CDC14A: variants seen among roughly 807,000 people sequenced by gnomAD.
CDC14A encodes cell division cycle 14A, also known as dual specificity protein phosphatase CDC14A.
A neutral mutation model predicts 74.4 loss-of-function variants in CDC14A; 53 were observed. The ratio of observed to expected loss-of-function variants is 0.71; its 90% CI spans 0.57 to 0.89. CDC14A has a LOEUF of 0.89. CDC14A is among the 40% of genes least tolerant of loss of function. The probability of loss-of-function intolerance (pLI) is 0.00; values close to 1 mark genes in which losing one functional copy is unlikely to be tolerated. For missense variants in CDC14A, 646 were observed against 713.7 expected, an observed-to-expected ratio of 0.91 and a Z score of 1.08; for synonymous variants, 247 against 258.4, an observed-to-expected ratio of 0.96 and a Z score of 0.43.
intron 4 of CDC14A, among the ~76,000 whole-genome samples, chr1:100,397,027 T>G (rs1278995825): frequency 6.6e-6 from 1 of 150,800 alleles, no homozygotes; most frequent in Non-Finnish European, 1.5e-5. Context: ...TAAAACATTA[T>G]GAGATTTTTT....
intron 3 of CDC14A, among the ~76,000 whole-genome samples, chr1:100,386,283 A>T (rs1656855807): frequency 6.6e-6 from 1 of 152,212 alleles, no homozygotes; most frequent in Non-Finnish European, 1.5e-5. Context: ...GTGCTGCTAC[A>T]GAGCTGGCAA....
At chr1:100,475,830 G>A (rs1273565589) in intron 10 of CDC14A, among the ~76,000 whole-genome samples, 1 of 152,170 alleles carries the variant, frequency 6.6e-6, no homozygotes, top group Non-Finnish European at 1.5e-5. Context: ...CCTGGTTGAG[G>A]TGGACTTCCA....
At chr1:100,491,313 A>G (rs1571328493) in intron 11 of CDC14A, among the ~76,000 whole-genome samples, 1 of 113,508 alleles carries the variant, frequency 8.8e-6, no homozygotes, top group African/African-American at 3.1e-5. Flanking sequence ...GGGGTTTTAT[A>G]TAGCACAGGG....
chr1:100,389,202 AG>A (rs1657316037), intron 3 of CDC14A, among the ~76,000 whole-genome samples: 1 of 139,994 alleles, frequency 7.1e-6, no homozygotes, highest in Non-Finnish European at 1.5e-5. Context: ...AAAAAAAAAA[AG>A]GTAAAAGATA....
At chr1:100,388,677 G>A (rs1657211675) in intron 3 of CDC14A, among the ~76,000 whole-genome samples, 1 of 152,022 alleles carries the variant, frequency 6.6e-6, no homozygotes, top group Admixed American at 6.6e-5. Flanking sequence ...TGTGATCATG[G>A]CTCACTGCAG....
chr1:100,419,533 G>T (rs984882945), intron 4 of CDC14A, among the ~76,000 whole-genome samples: 6 of 152,254 alleles, frequency 3.9e-5, no homozygotes, highest in African/African-American at 1.4e-4. Flanking sequence ...CAGCATTTCT[G>T]CTGATTAATG....
intron 10 of CDC14A, among the ~76,000 whole-genome samples, chr1:100,475,805 G>A (rs755203659): frequency 6.6e-6 from 1 of 152,140 alleles, no homozygotes; most frequent in Non-Finnish European, 1.5e-5. Context: ...GACAGAGGAG[G>A]GTTGCTGGTC....
intron 8 of CDC14A, among the ~76,000 whole-genome samples, chr1:100,460,347 A>G (rs1431148142): frequency 1.3e-5 from 2 of 152,208 alleles, no homozygotes; most frequent in Non-Finnish European, 2.9e-5. Context: ...ATGGAAATTC[A>G]TATATGAAAA....
At chr1:100,509,921 AAGGTTGACCC>A (rs1649576412) in intron 15 of CDC14A, among the ~76,000 whole-genome samples, 1 of 152,242 alleles carries the variant, frequency 6.6e-6, no homozygotes, top group Non-Finnish European at 1.5e-5. Context: ...TGAGCAAAAT[AAGGTTGACCC>A]ATTCTATCTC....
intron 13 of CDC14A, 67 bp from the exon 14 acceptor site, chr1:100,498,018 A>C: frequency 6.7e-7 from 1 of 1,493,920 alleles, no homozygotes; most frequent in Non-Finnish European, 9.2e-7. Context: ...ATCTTGTCCT[A>C]GTTAGTTGCT....
At chr1:100,430,744 GAA>G in intron 5 of CDC14A, among the ~76,000 whole-genome samples, 1 of 152,216 alleles carries the variant, frequency 6.6e-6, no homozygotes, top group South Asian at 2.1e-4. Flanking sequence ...GATTTTTGTC[GAA>G]GTTTGTTTAG....
intron 11 of CDC14A, among the ~76,000 whole-genome samples, chr1:100,486,434 T>A (rs1407567941): frequency 6.6e-6 from 1 of 152,152 alleles, no homozygotes; most frequent in Non-Finnish European, 1.5e-5. Flanking sequence ...CTTAGTCCAT[T>A]TGGGCTGCTG....
intron 4 of CDC14A, among the ~76,000 whole-genome samples, chr1:100,399,790 G>T (rs1659007970): frequency 6.6e-6 from 1 of 151,764 alleles, no homozygotes; most frequent in African/African-American, 2.4e-5. Flanking sequence ...ATTGCTTGAG[G>T]CCAGGAGTTT....
chr1:100,443,720 T>C (rs575478802), intron 7 of CDC14A, among the ~76,000 whole-genome samples: 10 of 152,280 alleles, frequency 6.6e-5, no homozygotes, highest in Non-Finnish European at 1.3e-4. Context: ...AATTTTTTTT[T>C]CCCCATGGCA....
rs1295136193 is a variant in CDC14A at position 100,462,776 on chromosome 1, T to C, written c.733T>C (p.Tyr245His). ...KRFTDAGFEHYDLFFIDGSTP... is the reference protein window; with the variant it reads ...KRFTDAGFEHHDLFFIDGSTP... ...CTTCACAGACGCTGGCTTCGAGCAC[T>C]ATGACCTCTTCTTCATAGATGGCAG... Residue 245 changes from tyrosine (Y) to histidine (H), a missense_variant, in exon 9 of 16, where the codon TAT becomes CAT. Physicochemically the swap from Tyr to His is moderately conservative, Grantham distance 83 (BLOSUM62 2). Coordinates refer to ENST00000336454, the MANE Select transcript of CDC14A (RefSeq NM_003672.4). 6.2e-7 allele frequency: 1 copy of C among 1,614,144 alleles called. No homozygotes were observed. Among genetic ancestry groups the C allele is most frequent in the Non-Finnish European group, 8.5e-7 (1 of 1,180,004 alleles).
intron 7 of CDC14A, among the ~76,000 whole-genome samples, chr1:100,444,305 T>G (rs1665290751): frequency 6.6e-6 from 1 of 152,166 alleles, no homozygotes; most frequent in African/African-American, 2.4e-5. Context: ...GACCTTTCAT[T>G]TTAATAGTTC....
At chr1:100,378,258 T>C (rs1655584642) in intron 3 of CDC14A, among the ~76,000 whole-genome samples, 2 of 152,120 alleles carry the variant, frequency 1.3e-5, no homozygotes, top group Non-Finnish European at 2.9e-5. Flanking sequence ...TCTTCAAGCA[T>C]ATGAGGAAAC....
At position 100,520,216 on chromosome 1, in the gene CDC14A, G is replaced by T. The variant is rs1650570516; in HGVS notation, c.*1936G>T. 6 of 152,402 alleles carry T rather than the reference G, an allele frequency of 3.9e-5. No individual in the cohort carries two copies. Among genetic ancestry groups the T allele is most frequent in the Admixed American group, 3.3e-4 (5 of 15,254 alleles). The allele number at this position is 152,402 out of a possible 1,614,324, so 9.4% of individuals were successfully genotyped here. A position where few individuals can be genotyped will look rare whatever the true frequency, so the allele number is the denominator to read the frequency against. On this transcript the variant is annotated 3_prime_UTR_variant, in exon 16 of 16. Transcript: ENST00000336454. Reference sequence around the variant, plus strand: ...TAGTTTATCTTCCAAAAGATATTTTGCTCTATTTTAAAGTGTAGAAGAATA... The same window carrying T: ...TAGTTTATCTTCCAAAAGATATTTTTCTCTATTTTAAAGTGTAGAAGAATA...
chr1:100,351,347 C>T (rs1342068161), upstream of CDC14A, among the ~76,000 whole-genome samples: 1 of 152,228 alleles, frequency 6.6e-6, no homozygotes, highest in African/African-American at 2.4e-5. Context: ...CCACAAGTTT[C>T]TTGCTGTTTC....
Sources: allele counts gnomAD v4.1 joint callset (sites outside exome capture counted in the v4.1 genomes callset), GRCh38; gene constraint gnomAD v4.1.1; transcripts MANE v1.5; gene names NCBI Gene and HGNC (gene_info 2026-07-23, HGNC 2026-07-21).